The following MYT1 variants were observed in gnomAD, a reference collection of about 807,000 sequenced individuals.
The protein encoded by MYT1 is myelin transcription factor I.
A neutral mutation model predicts 123.0 loss-of-function variants in MYT1; 23 were observed. That is an observed-to-expected ratio of 0.19 (90% CI 0.13 to 0.26). MYT1 has a LOEUF of 0.26. Ranked by LOEUF, MYT1 falls within the 10% of genes least tolerant of loss-of-function variation. MYT1 has a pLI of 1.00. For synonymous variants in MYT1, 518 were observed against 575.3 expected (o/e 0.90, Z 1.43); for missense variants, 1,125 against 1,472.5 (o/e 0.76, Z 3.86).
rs1239246020 is a variant in MYT1, at chr20:64,231,399, C to T, written c.2676-765C>T. 1.3e-5 allele frequency among the ~76,000 whole-genome samples: 2 copies of T among 152,180 alleles called. No homozygotes were observed. The highest frequency in any genetic ancestry group is 2.4e-5 in the African/African-American group (1 of 41,440). The stretch of plus-strand genomic sequence containing the variant: ...TGCGCTGTCCTGTTTGTCTCTGACC[C>T]ACACTGAGCCCAAGGCATTTGCCAA... On this transcript the variant is annotated intron_variant, in intron 18 of 22. Transcript: ENST00000328439. The surrounding 1 kb of genome is among the most constrained non-coding windows in gnomAD (Gnocchi z 6.4).
At chr20:64,227,329 A>G (rs1411128923) in intron 16 of MYT1, 86 bp from the exon 17 acceptor site, 2 of 1,307,900 alleles carry the variant, frequency 1.5e-6, no homozygotes, top group Non-Finnish European at 2.2e-6. Context: ...CTGAGCCCAG[A>G]AGGCTTTCCT....
chr20:64,180,765 TTA>T lies in MYT1; in HGVS notation c.-98-9296_-98-9295del, dbSNP rs1474237832. On this transcript the variant is annotated intron_variant, in intron 1 of 22. Coordinates refer to ENST00000328439, the MANE Select transcript of MYT1 (RefSeq NM_004535.3). ...CTAGCTTCCTTTGTAGCGTTGAGCG[TTA>T]TCTTTCTTTATCTTCAGTGTTTCGC... 7.2e-5 allele frequency among the ~76,000 whole-genome samples: 11 copies of T among 152,248 alleles called. 1 individual carries two copies. The highest frequency in any genetic ancestry group is 5.8e-4 in the East Asian group (3 of 5,182).
At chr20:64,188,191 C>T (rs890634231) in intron 1 of MYT1, among the ~76,000 whole-genome samples, 3 of 152,182 alleles carry the variant, frequency 2.0e-5, no homozygotes, top group African/African-American at 7.2e-5. Context: ...CTGGAGGTCC[C>T]TTTGCAGAGA....
At chr20:64,201,919 TGTCGGGAACCCCCGC>T (rs1983318551) in intron 4 of MYT1, among the ~76,000 whole-genome samples, 1 of 142,512 alleles carries the variant, frequency 7.0e-6, no homozygotes, top group African/African-American at 2.5e-5. Context: ...AACCCCCGCG[TGTCGGGAACCCCCGC>T]GTGTCGGGAA....
chr20:64,190,443 G>A lies in MYT1; in HGVS notation c.-1+283G>A, dbSNP rs530978729. On this transcript the variant is annotated intron_variant, in intron 2 of 22. Transcript: ENST00000328439. This position sits in a 1 kb window ranked among gnomAD's most constrained non-coding sequence, Gnocchi z 4.1. ...AATCCCAGCACTTTGGGAGGCTGAG[G>A]CAGGTGGATCACTTGAGGTCAAGAG... is the stretch of plus-strand genomic sequence containing the variant. Among the ~76,000 whole-genome samples, 1 of 152,370 alleles carries A rather than the reference G, an allele frequency of 6.6e-6. No homozygotes were observed. Among genetic ancestry groups the A allele is most frequent in the South Asian group, 2.1e-4 (1 of 4,826 alleles).
rs1412944770 is a variant in MYT1 at position 64,196,468 on chromosome 20, C to T, written c.1-2394C>T. 6.6e-6 allele frequency among the ~76,000 whole-genome samples: 1 copy of T among 152,232 alleles called. No individual in the cohort carries two copies. Among genetic ancestry groups the T allele is most frequent in the Non-Finnish European group, 1.5e-5 (1 of 68,044 alleles). On this transcript the variant is annotated intron_variant, in intron 2 of 22. Transcript: ENST00000328439. This position sits in a 1 kb window ranked among gnomAD's most constrained non-coding sequence, Gnocchi z 4.3. ...TAAATCAAGCAGTGCTGGTTTTGTC[C>T]AGATGCTTTCGCGTCAGCCGGCACT...
Position 64,208,576 on chromosome 20 carries a change from C to G in MYT1, c.1291+89C>G. 1 of 1,482,008 alleles carries G rather than the reference C, an allele frequency of 6.7e-7. No homozygotes were observed. Among genetic ancestry groups the G allele is most frequent in the Non-Finnish European group, 8.9e-7 (1 of 1,118,080 alleles). The allele number at this position is 1,482,008 out of a possible 1,614,324, so 91.8% of individuals were successfully genotyped here. On this transcript the variant is annotated intron_variant, in intron 7 of 22. Coordinates refer to ENST00000328439, the MANE Select transcript of MYT1 (RefSeq NM_004535.3). This position sits in a 1 kb window ranked among gnomAD's most constrained non-coding sequence, Gnocchi z 5.4. ...ATGCAGGCTGAGAGCCCTTCTAGGA[C>G]AGGGGGCTGGGGGATGGCAGAAAAG...
chr20:64,217,336 A>G, intron 11 of MYT1, 55 bp downstream of exon 11: 1 of 1,583,166 alleles, frequency 6.3e-7, no homozygotes. Flanking sequence ...TGGGAGGGGC[A>G]GGATTCAAGG....
intron 18 of MYT1, among the ~76,000 whole-genome samples, chr20:64,228,285 G>A (rs1984228512): frequency 6.6e-6 from 1 of 152,232 alleles, no homozygotes; most frequent in South Asian, 2.1e-4. Flanking sequence ...AGGGCCACCT[G>A]GGAGTGGGCC....
At chr20:64,183,712 A>T (rs1982718341) in intron 1 of MYT1, among the ~76,000 whole-genome samples, 1 of 152,146 alleles carries the variant, frequency 6.6e-6, no homozygotes, top group Non-Finnish European at 1.5e-5. Flanking sequence ...TTGTCTTATT[A>T]TGAGTTATGA....
rs777181198 is a variant in MYT1 at position 64,227,463 on chromosome 20, C to A, written c.2577C>A (p.Tyr859Ter). Residue 859 changes from tyrosine to a stop codon, truncating the protein, a stop_gained, in exon 17 of 23, where the codon TAC (tyrosine) becomes TAA (stop). Coordinates refer to ENST00000328439, the MANE Select transcript of MYT1 (RefSeq NM_004535.3). LOFTEE classifies it high-confidence loss of function. ...CDGSGHITGN[Y>*]ASHRSLSGCP... ...GCTCTGGCCACATCACAGGGAACTA[C>A]GCTTCACACCGGAGGTGAGCCTGCC... 6.2e-7 allele frequency: 1 copy of A among 1,612,456 alleles called. No homozygotes were observed. The highest frequency in any genetic ancestry group is 8.5e-7 in the Non-Finnish European group (1 of 1,179,722).
In MYT1 at chr20:64,167,425, A is replaced by G. The variant is rs942629696; in HGVS notation, c.-99+2686A>G. ...CGGGAACAACCAGAACACTTTGGTC[A>G]GCACCGGGCCTGGAGTAGATGAGGA... On this transcript the variant is annotated intron_variant, in intron 1 of 22. Coordinates refer to ENST00000328439, the MANE Select transcript of MYT1 (RefSeq NM_004535.3). This position sits in a 1 kb window ranked among gnomAD's most constrained non-coding sequence, Gnocchi z 6.3. Among the ~76,000 whole-genome samples, 1 of 152,202 alleles carries G rather than the reference A, an allele frequency of 6.6e-6. No homozygotes were observed. Among genetic ancestry groups the G allele is most frequent in the African/African-American group, 2.4e-5 (1 of 41,454 alleles).
Position 64,222,067 on chromosome 20 carries a change from G to A in MYT1, c.2396+20G>A. ...GCTCACGTAAGTCCCTGTTTGGCTG[G>A]CACAGCTCCTAGGGGACCCTCTGTG... On this transcript the variant is annotated intron_variant, in intron 14 of 22. Coordinates refer to ENST00000328439, the MANE Select transcript of MYT1 (RefSeq NM_004535.3). 6.2e-7 allele frequency: 1 copy of A among 1,611,714 alleles called. No homozygotes were observed. Among genetic ancestry groups the A allele is most frequent in the Non-Finnish European group, 8.5e-7 (1 of 1,179,604 alleles).
chr20:64,202,000 CGCGTGTCGGGAACCCCT>C (rs1983330776), intron 4 of MYT1, among the ~76,000 whole-genome samples: 1 of 114,930 alleles, frequency 8.7e-6, no homozygotes, highest in Non-Finnish European at 2.1e-5. Context: ...CGGGAACCCC[CGCGTGTCGGGAACCCCT>C]CGCGTGTCGG....
chr20:64,174,374 TCTC>T (rs1318481213), intron 1 of MYT1, among the ~76,000 whole-genome samples: 1 of 366 alleles, frequency 2.7e-3, no homozygotes, highest in African/African-American at 0.019. Context: ...CTCCCTGGCT[TCTC>T]CTGCAGCATC....
rs118175446 is a variant in MYT1 at position 64,177,537 on chromosome 20, G to A, written c.-98-12526G>A. On this transcript the variant is annotated intron_variant, in intron 1 of 22. Transcript: ENST00000328439. ...AGGGTGTGGAGAGGAAGAGGCCCTC[G>A]GGGCGGGGACAAGAGGGCACCCCTC... 1.3e-3 allele frequency among the ~76,000 whole-genome samples: 176 copies of A among 136,238 alleles called. 2 individuals carry two copies. In the East Asian group the frequency reaches 0.028, roughly 21 times the overall value. The allele number at this position is 136,238 out of a possible 152,430, so 89.4% of individuals were successfully genotyped here. A position where few individuals can be genotyped will look rare whatever the true frequency, so the allele number is the denominator to read the frequency against.
In MYT1 at chr20:64,189,515, G is replaced by A. The variant is rs572205190; in HGVS notation, c.-98-548G>A. Among the ~76,000 whole-genome samples, 39 of 152,298 alleles carry A rather than the reference G, an allele frequency of 2.6e-4. No homozygotes were observed. The highest frequency in any genetic ancestry group is 9.8e-4 in the Admixed American group (15 of 15,298). On this transcript the variant is annotated intron_variant, in intron 1 of 22. Coordinates refer to ENST00000328439, the MANE Select transcript of MYT1 (RefSeq NM_004535.3). The surrounding 1 kb of genome is among the most constrained non-coding windows in gnomAD (Gnocchi z 5.5). ...GGAAACCAGGGCAAAGAGCATGCTG[G>A]GGCCCCCGGGATCCTGCGGGAGGCA...
chr20:64,204,457 G>A lies in MYT1; in HGVS notation c.87-578G>A, dbSNP rs374143909. Among the ~76,000 whole-genome samples the A allele has an allele frequency of 5.5e-4, 84 of 152,308 alleles. 1 individual carries two copies. The highest frequency in any genetic ancestry group is 2.9e-3 in the South Asian group (14 of 4,820). On this transcript the variant is annotated intron_variant, in intron 4 of 22. Transcript: ENST00000328439. ...GGCCCTCCCGGCTTCTTTTCCCTGC[G>A]TGGAAGCTGGGACCCACACCAGCTA...
At chr20:64,228,169 C>A in intron 18 of MYT1, 198 bp downstream of exon 18, 1 of 596,698 alleles carries the variant, frequency 1.7e-6, no homozygotes. Flanking sequence ...AAGATAGGAG[C>A]CCTGGATGTC....
Sources: gnomAD v4.1 joint callset for allele counts (sites outside exome capture counted in the v4.1 genomes callset) on GRCh38, gnomAD v4.1.1 for gene constraint, Gnocchi (gnomAD v3.1) non-coding constraint, MANE v1.5 for transcripts, NCBI Gene and HGNC (gene_info 2026-07-23, HGNC 2026-07-21) for gene names.